Variants in RNF17 observed in about 807,000 individuals in gnomAD.
The protein encoded by RNF17 is ring finger protein 17, also known as spermatogenesis associated 23.
A neutral mutation model predicts 200.5 loss-of-function variants in RNF17; 31 were observed. The observed-to-expected ratio is 0.15, with a 90% CI of 0.12 to 0.21. The LOEUF (loss-of-function observed/expected upper bound fraction) is 0.21, where lower values mean the gene tolerates loss of function less well. Among genes scored for constraint, RNF17 ranks in the 10% least tolerant of loss-of-function variants. The pLI, the probability that RNF17 is intolerant of heterozygous loss-of-function variation, is 1.00. For missense variants in RNF17, 1,628 were observed against 1,905.1 expected, an observed-to-expected ratio of 0.85 and a Z score of 2.71; for synonymous variants, 606 against 637.8, an observed-to-expected ratio of 0.95 and a Z score of 0.75.
intron 12 of RNF17, 25 bp from the exon 13 acceptor site, chr13:24,800,341 T>A: frequency 6.7e-7 from 1 of 1,485,380 alleles, no homozygotes; most frequent in East Asian, 2.3e-5. Flanking sequence ...TTATTTTCAA[T>A]AAATATTACT....
rs1479692525 is a variant in RNF17 at position 24,778,398 on chromosome 13, G to A, written c.421G>A (p.Val141Ile). The A allele has an allele frequency of 3.1e-6, 5 of 1,605,450 alleles. No individual in the cohort carries two copies. In the Admixed American group the frequency reaches 5.0e-5, roughly 16 times the overall value. ...CAAGACTCTTTTGAACTCATCAGCT[G>A]TAATGTTGGTATGAAACATATTGGT... ...TDKTLLNSSA[V>I]MLDTNTAEEI... is the part of the protein sequence containing the mutation. Residue 141 changes from valine (V) to isoleucine (I), a missense_variant, in exon 4 of 36, where the codon GTA becomes ATA. This residue lies in a region of RNF17 where 502 missense variants were observed against 501.7 expected (regional missense o/e 1.00). Transcript: ENST00000255324.
chr13:24,868,493 A>AATG, intron 30 of RNF17, 107 bp from the exon 31 acceptor site: 1 of 328,588 alleles, frequency 3.0e-6, no homozygotes, highest in Non-Finnish European at 5.5e-6. Context: ...AAAAAAAAAA[A>AATG]CTTGCTTTCT....
the RNF17 span, among the ~76,000 whole-genome samples, chr13:24,755,092 CTG>C: frequency 5.9e-5 from 9 of 152,050 alleles, no homozygotes; most frequent in Admixed American, 6.5e-5. Context: ...CATTTGACTG[CTG>C]TGTTTCTTAA....
chr13:24,764,134 A>G (rs991007400), upstream of RNF17: 11 of 1,459,956 alleles, frequency 7.5e-6, no homozygotes, highest in Admixed American at 1.5e-4. Flanking sequence ...CTGGCCTCCA[A>G]TGATTGGTCG....
At position 24,764,275 on chromosome 13, in the gene RNF17, C is replaced by G. The variant is rs1266617694; in HGVS notation, c.72C>G (p.Pro24=). The change falls in exon 1 of 36, where the codon CCC becomes CCG. Residue 24 remains proline (P), a synonymous_variant. Coordinates refer to ENST00000255324, the MANE Select transcript of RNF17 (RefSeq NM_031277.3). ...AGCGAATGGGGAGGAAGAGTCAGCC[C>G]TGGGGTGCCGCTGAAATCCAGTGCA... ...SYQRMGRKSQ[P]WGAAEIQCTR... is the part of the protein sequence containing the mutation. 1 of 1,611,650 alleles carries G rather than the reference C, an allele frequency of 6.2e-7. No individual in the cohort carries two copies. The highest frequency in any genetic ancestry group is 2.2e-5 in the East Asian group (1 of 44,864).
At chr13:24,855,629 TAA>T (rs1043754821) in intron 25 of RNF17, among the ~76,000 whole-genome samples, 4 of 142,692 alleles carry the variant, frequency 2.8e-5, no homozygotes, top group African/African-American at 5.1e-5. Context: ...GAGACTCCAT[TAA>T]AAAAAAAAAA....
intron 16 of RNF17, among the ~76,000 whole-genome samples, chr13:24,827,051 ACT>A (rs1324949060): frequency 6.7e-6 from 1 of 149,082 alleles, no homozygotes; most frequent in Admixed American, 6.7e-5. Context: ...CAAGAGCAAA[ACT>A]CTGTTTCAAG....
intron 6 of RNF17, among the ~76,000 whole-genome samples, chr13:24,782,613 G>GA (rs1473621316): frequency 6.6e-6 from 1 of 151,092 alleles, no homozygotes; most frequent in South Asian, 2.1e-4. Flanking sequence ...GATGGGGGGG[G>GA]GATCTTTGAG....
chr13:24,886,220 T>C, the RNF17 span: 4 of 903,342 alleles, frequency 4.4e-6, no homozygotes, highest in Admixed American at 2.3e-5. Context: ...ATGGATCATA[T>C]TGTAAACACT....
At chr13:24,813,822 TTTTTTTTTTTTTTTTTTTTTTTA>T (rs1204422237) in intron 15 of RNF17, among the ~76,000 whole-genome samples, 6 of 49,160 alleles carry the variant, frequency 1.2e-4, no homozygotes, top group Admixed American at 2.2e-4. Context: ...TTTTTTTTTT[TTTTTTTTTTTTTTTTTTTTTTTA>T]GAGACAGGTT....
chr13:24,837,762 T>C (rs988911979), intron 18 of RNF17, among the ~76,000 whole-genome samples: 1 of 151,896 alleles, frequency 6.6e-6, no homozygotes. Flanking sequence ...AAACTGACAC[T>C]CTAAGGTCAC....
chr13:24,796,198 G>A lies in RNF17; in HGVS notation c.1302G>A (p.Lys434=), dbSNP rs748543482. The A allele has an allele frequency of 3.7e-6, 6 of 1,612,552 alleles. No individual in the cohort carries two copies. The Admixed American group carries it at 5.0e-5, about 13-fold the overall frequency. Residue 434 remains lysine (K), a synonymous_variant, in exon 11 of 36, where the codon AAG becomes AAA. Transcript: ENST00000255324. The stretch of plus-strand genomic sequence containing the variant: ...ATCCTTGCCATTTCTACATTCGGAA[G>A]TATTCACAAATAAAAGACGCCAAAG... ...VIDPCHFYIR[K]YSQIKDAKVL...
intron 30 of RNF17, among the ~76,000 whole-genome samples, chr13:24,868,071 A>T (rs1893827781): frequency 6.6e-6 from 1 of 152,194 alleles, no homozygotes. Flanking sequence ...TTTTTGCACA[A>T]AATACTTTTT....
intron 15 of RNF17, among the ~76,000 whole-genome samples, chr13:24,806,369 G>A (rs138972103): frequency 1.3e-5 from 2 of 152,250 alleles, no homozygotes; most frequent in African/African-American, 4.8e-5. Flanking sequence ...AATCCTTTGG[G>A]TATATACCCA....
chr13:24,788,475 G>A (rs542898756), intron 7 of RNF17, among the ~76,000 whole-genome samples: 1 of 152,008 alleles, frequency 6.6e-6, no homozygotes, highest in East Asian at 1.9e-4. Flanking sequence ...TAGGTTTCTA[G>A]GACACCCGAT....
the RNF17 span, among the ~76,000 whole-genome samples, chr13:24,749,417 C>T: frequency 6.8e-6 from 1 of 148,096 alleles, no homozygotes. Context: ...AATTCTCCTT[C>T]CTCAGCCTCC....
At chr13:24,806,854 T>C (rs1308982688) in intron 15 of RNF17, among the ~76,000 whole-genome samples, 1 of 144,728 alleles carries the variant, frequency 6.9e-6, no homozygotes, top group Non-Finnish European at 1.5e-5. Flanking sequence ...TGTGTCCATG[T>C]GTTCTCATTG....
intron 25 of RNF17, 39 bp downstream of exon 25, chr13:24,854,183 T>C (rs1363605910): frequency 6.8e-7 from 1 of 1,473,028 alleles, no homozygotes; most frequent in Non-Finnish European, 9.3e-7. Flanking sequence ...AGTTCTCTAG[T>C]ACGAACGACA....
chr13:24,792,260 CTA>C (rs1186871153), intron 9 of RNF17, among the ~76,000 whole-genome samples: 3 of 152,002 alleles, frequency 2.0e-5, no homozygotes, highest in African/African-American at 7.2e-5. Flanking sequence ...AAATTTTTTC[CTA>C]GTTTTTAGGG....
Sources: gnomAD v4.1 joint callset for allele counts (sites outside exome capture counted in the v4.1 genomes callset) on GRCh38, gnomAD v4.1.1 for gene constraint, gnomAD v4.1.1 regional missense constraint, MANE v1.5 for transcripts, NCBI Gene and HGNC (gene_info 2026-07-23, HGNC 2026-07-21) for gene names.